PPP2R3A: variants seen among roughly 807,000 people sequenced by gnomAD.
The protein encoded by PPP2R3A is serine/threonine-protein phosphatase 2A regulatory subunit B'' subunit alpha.
In PPP2R3A, 80 loss-of-function variants were observed where a neutral mutation model predicts 106.9. The observed-to-expected ratio is 0.75, with a 90% confidence interval of 0.62 to 0.90. The LOEUF (loss-of-function observed/expected upper bound fraction) is 0.90, where lower values mean the gene tolerates loss of function less well. Among genes scored for constraint, PPP2R3A ranks in the 40% least tolerant of loss-of-function variants. The pLI is 0.00. For missense variants in PPP2R3A, 1,386 were observed against 1,350.4 expected, an observed-to-expected ratio of 1.03 and a Z score of -0.41; for synonymous variants, 483 against 468.3, an observed-to-expected ratio of 1.03 and a Z score of -0.41.
intron 13 of PPP2R3A, among the ~76,000 whole-genome samples, chr3:136,129,381 A>G (rs1301420952): frequency 2.6e-5 from 4 of 152,226 alleles, no homozygotes; most frequent in African/African-American, 9.6e-5. Context: ...AGAGAATACT[A>G]TAAACACCTC....
At position 136,136,074 on chromosome 3, in the gene PPP2R3A, T is replaced by TATATATATATATATATA. The variant is rs1491542071; in HGVS notation, c.3330-8969_3330-8968insATATATATATATATATA. Among the ~76,000 whole-genome samples the TATATATATATATATATA allele has an allele frequency of 6.9e-4, 21 of 30,336 alleles. 1 individual carries two copies. Among genetic ancestry groups the TATATATATATATATATA allele is most frequent in the East Asian group, 4.1e-3 (1 of 246 alleles). 19.9% of individuals were successfully genotyped at this position (30,336 alleles called of 152,430 possible). A position where few individuals can be genotyped will look rare whatever the true frequency, so the allele number is the denominator to read the frequency against. On this transcript the variant is annotated intron_variant, in intron 13 of 13. Coordinates refer to ENST00000264977, the MANE Select transcript of PPP2R3A (RefSeq NM_002718.5). ...AAAAAAAAAAAAAAAAAAAAAAAAA[T>TATATATATATATATATA]TATATATATATATATATATAAAAAA...
chr3:135,979,505 C>T (rs1157875184), intron 1 of PPP2R3A, among the ~76,000 whole-genome samples: 1 of 151,854 alleles, frequency 6.6e-6, no homozygotes, highest in African/African-American at 2.4e-5. Flanking sequence ...CTGGAAAAGA[C>T]ATACCGTCAT....
intron 13 of PPP2R3A, among the ~76,000 whole-genome samples, chr3:136,141,799 G>GAAAGT (rs1347100547): frequency 6.6e-6 from 1 of 152,200 alleles, no homozygotes; most frequent in Non-Finnish European, 1.5e-5. Context: ...ATCCAAACAA[G>GAAAGT]AAAGTATGGT....
intron 1 of PPP2R3A, among the ~76,000 whole-genome samples, chr3:135,984,760 C>T (rs551356508): frequency 4.6e-5 from 7 of 152,144 alleles, no homozygotes; most frequent in African/African-American, 1.4e-4. Context: ...TCCATTTTCA[C>T]GCTGCTGATA....
At chr3:136,137,794 G>T (rs1465956934) in intron 13 of PPP2R3A, among the ~76,000 whole-genome samples, 1 of 152,050 alleles carries the variant, frequency 6.6e-6, no homozygotes, top group Non-Finnish European at 1.5e-5. Context: ...GCCCACCTGG[G>T]CCTCCCAAAG....
intron 13 of PPP2R3A, among the ~76,000 whole-genome samples, chr3:136,122,807 A>T (rs532984242): frequency 3.2e-4 from 49 of 152,354 alleles, no homozygotes; most frequent in African/African-American, 1.2e-3. Flanking sequence ...CTCTCAATGT[A>T]TAAAAGAATA....
rs368098481 is a variant in PPP2R3A at position 136,103,671 on chromosome 3, CCTT to C, written c.3222+298_3222+300del. On this transcript the variant is annotated intron_variant, in intron 12 of 13. Transcript: ENST00000264977. Reference sequence around the variant, plus strand: ...AGAGTAGTTTTGAAAAAAAAATTGTCCTTCTAACTTTTAAAAATATATCAATAG... The same window carrying C: ...AGAGTAGTTTTGAAAAAAAAATTGTCCTAACTTTTAAAAATATATCAATAG... Among the ~76,000 whole-genome samples the C allele has an allele frequency of 5.3e-4, 80 of 152,210 alleles. No homozygotes were observed. In the South Asian group the frequency reaches 0.012, roughly 22 times the overall value.
In PPP2R3A at chr3:136,053,989, T is replaced by C. The variant is rs145565293; in HGVS notation, c.2469+4628T>C. On this transcript the variant is annotated intron_variant, in intron 5 of 13. Coordinates refer to ENST00000264977, the MANE Select transcript of PPP2R3A (RefSeq NM_002718.5). ...TAAAAAAACACATACACAGAAAAAG[T>C]AGCCCAGAAAAGAAACAAAACTAAT... Among the ~76,000 whole-genome samples the C allele has an allele frequency of 7.4e-3, 1,128 of 152,080 alleles. 72 individuals carry two copies. The highest frequency in any genetic ancestry group is 0.07 in the Admixed American group (1,063 of 15,276).
At position 136,002,419 on chromosome 3, in the gene PPP2R3A, A is replaced by G; in HGVS notation, c.921A>G (p.Leu307=). 6.2e-7 allele frequency: 1 copy of G among 1,613,998 alleles called. No individual in the cohort carries two copies. The highest frequency in any genetic ancestry group is 2.2e-5 in the East Asian group (1 of 44,876). Residue 307 remains leucine (L), a synonymous_variant, in exon 2 of 14, where the codon TTA becomes TTG. Coordinates refer to ENST00000264977, the MANE Select transcript of PPP2R3A (RefSeq NM_002718.5). ...MQSGNNEALD[L]TELISNMPSL... is the part of the protein sequence containing the mutation. ...CTGGGAATAATGAGGCTCTAGATTT[A>G]ACAGAACTGATCAGTAATATGCCTA... is the stretch of plus-strand genomic sequence containing the variant.
At chr3:136,011,974 TACACACACACACACACACATAC>T (rs1389082181) in intron 2 of PPP2R3A, among the ~76,000 whole-genome samples, 4 of 136,520 alleles carry the variant, frequency 2.9e-5, no homozygotes, top group Non-Finnish European at 4.6e-5. Flanking sequence ...TGAGAAATCA[TACACACACACACACACACATAC>T]ACACACACAC....
intron 13 of PPP2R3A, among the ~76,000 whole-genome samples, chr3:136,108,584 G>A (rs1295437985): frequency 6.6e-6 from 1 of 151,982 alleles, no homozygotes; most frequent in African/African-American, 2.4e-5. Flanking sequence ...AACCTGAATA[G>A]GAAAGGTCAG....
At chr3:136,018,720 G>T (rs921046228) in intron 2 of PPP2R3A, among the ~76,000 whole-genome samples, 2 of 152,076 alleles carry the variant, frequency 1.3e-5, no homozygotes, top group African/African-American at 2.4e-5. Context: ...TTTCTCGCTT[G>T]GGATATTAGA....
intron 8 of PPP2R3A, among the ~76,000 whole-genome samples, chr3:136,084,058 A>G (rs940201235): frequency 6.6e-6 from 1 of 152,250 alleles, no homozygotes; most frequent in Non-Finnish European, 1.5e-5. Flanking sequence ...AGAAATTTGC[A>G]TAAATAATGG....
At chr3:136,026,330 G>A (rs1423135927) in intron 2 of PPP2R3A, among the ~76,000 whole-genome samples, 1 of 152,150 alleles carries the variant, frequency 6.6e-6, no homozygotes, top group African/African-American at 2.4e-5. Context: ...AGGGCTGGCA[G>A]TGATTCTACC....
chr3:135,975,166 G>A (rs1937380996), intron 1 of PPP2R3A, among the ~76,000 whole-genome samples: 1 of 152,170 alleles, frequency 6.6e-6, no homozygotes, highest in African/African-American at 2.4e-5. Flanking sequence ...ATGAGTGGAG[G>A]CTCACTGGGT....
At chr3:136,066,783 C>T (rs988174899) in intron 5 of PPP2R3A, among the ~76,000 whole-genome samples, 7 of 152,164 alleles carry the variant, frequency 4.6e-5, no homozygotes, top group African/African-American at 1.7e-4. Flanking sequence ...AGAAATCCAC[C>T]CTATGATCCA....
chr3:136,073,740 A>G (rs1335295539), intron 6 of PPP2R3A, among the ~76,000 whole-genome samples: 1 of 152,254 alleles, frequency 6.6e-6, no homozygotes, highest in African/African-American at 2.4e-5. Flanking sequence ...ATAGAATTGT[A>G]TTAGACTGGT....
At position 136,002,508 on chromosome 3, in the gene PPP2R3A, T is replaced by A. The variant is rs1330778516; in HGVS notation, c.1010T>A (p.Val337Asp). Residue 337 changes from valine (V) to aspartate (D), a missense_variant, in exon 2 of 14, where the codon GTT becomes GAT. By Grantham distance (152) the Val-to-Asp change is radical. Transcript: ENST00000264977. The stretch of plus-strand genomic sequence containing the variant: ...GAACAACCCCCTAAATATGAAGATG[T>A]TGTCCAGCTCTCAGCTTCTGACTCT... ...GTEQPPKYED[V>D]VQLSASDSGR... 2.5e-6 allele frequency: 4 copies of A among 1,613,980 alleles called. No individual in the cohort carries two copies. The highest frequency in any genetic ancestry group is 3.4e-6 in the Non-Finnish European group (4 of 1,179,972).
At chr3:136,139,909 G>C (rs1314185776) in intron 13 of PPP2R3A, among the ~76,000 whole-genome samples, 1 of 151,546 alleles carries the variant, frequency 6.6e-6, no homozygotes, top group Non-Finnish European at 1.5e-5. Flanking sequence ...AGGAGGCTGA[G>C]GCAGGAGAAT....
Sources: allele counts gnomAD v4.1 joint callset (sites outside exome capture counted in the v4.1 genomes callset), GRCh38; gene constraint gnomAD v4.1.1; transcripts MANE v1.5; gene names NCBI Gene and HGNC (gene_info 2026-07-23, HGNC 2026-07-21).